CNIH3: variants seen among roughly 807,000 people sequenced by gnomAD.
The protein encoded by CNIH3 is cornichon family AMPA receptor auxiliary protein 3, also known as protein cornichon homolog 3.
CNIH3 carries 14 observed loss-of-function variants against 24.1 expected under a neutral mutation model. The observed-to-expected ratio is 0.58, with a 90% CI of 0.38 to 0.91. The LOEUF is 0.91. Among genes scored for constraint, CNIH3 ranks in the 40% least tolerant of loss-of-function variants. The pLI is 0.00. For synonymous variants in CNIH3, 68 were observed against 73.8 expected (o/e 0.92, Z 0.40); for missense variants, 178 against 196.8 (o/e 0.90, Z 0.57).
chr1:224,700,146 T>C (rs1387853911), intron 3 of CNIH3, among the ~76,000 whole-genome samples: 1 of 152,138 alleles, frequency 6.6e-6, no homozygotes, highest in African/African-American at 2.4e-5. Flanking sequence ...CTGGACTCTC[T>C]CCCCTGTATG....
chr1:224,483,919 C>T (rs1676920030), intron 1 of CNIH3, among the ~76,000 whole-genome samples: 1 of 152,070 alleles, frequency 6.6e-6, no homozygotes, highest in African/African-American at 2.4e-5. Context: ...GCCTGTAATC[C>T]CAGCACTTTG....
At chr1:224,504,262 G>A (rs767508597) in intron 1 of CNIH3, among the ~76,000 whole-genome samples, 1 of 152,164 alleles carries the variant, frequency 6.6e-6, no homozygotes, top group Non-Finnish European at 1.5e-5. Context: ...GCTGGAATGA[G>A]CTAGTGTAGT....
chr1:224,570,903 T>C (rs1375318061), intron 4 of CNIH3, among the ~76,000 whole-genome samples: 1 of 152,078 alleles, frequency 6.6e-6, no homozygotes, highest in Non-Finnish European at 1.5e-5. Context: ...AATAGGATCA[T>C]ATTTCTTTTT....
intron 1 of CNIH3, among the ~76,000 whole-genome samples, chr1:224,483,791 T>G (rs1676912766): frequency 6.6e-6 from 1 of 152,198 alleles, no homozygotes; most frequent in African/African-American, 2.4e-5. Context: ...GCTTCTATTC[T>G]GCAACCTTGG....
At chr1:224,662,163 C>T (rs903816390) in intron 1 of CNIH3, among the ~76,000 whole-genome samples, 6 of 152,104 alleles carry the variant, frequency 3.9e-5, no homozygotes, top group African/African-American at 1.4e-4. Context: ...TTGGAAATGA[C>T]TCAGACATCT....
intron 3 of CNIH3, among the ~76,000 whole-genome samples, chr1:224,708,490 C>T (rs970084382): frequency 2.0e-5 from 3 of 152,140 alleles, no homozygotes; most frequent in Non-Finnish European, 4.4e-5. Context: ...GGAAAGAGTC[C>T]CTTGCACTCC....
intron 3 of CNIH3, among the ~76,000 whole-genome samples, chr1:224,693,723 G>A (rs928760115): frequency 6.6e-6 from 1 of 152,248 alleles, no homozygotes; most frequent in African/African-American, 2.4e-5. Flanking sequence ...GTCAGACCTT[G>A]CTGCCTTGAT....
upstream of CNIH3, chr1:224,515,840 T>A (rs969012831): frequency 6.6e-6 from 1 of 152,212 alleles, no homozygotes; most frequent in Non-Finnish European, 1.5e-5. Flanking sequence ...CTCAAGACCC[T>A]GTGACTTGTG....
intron 1 of CNIH3, among the ~76,000 whole-genome samples, chr1:224,463,791 T>A (rs1676039839): frequency 8.2e-6 from 1 of 122,550 alleles, no homozygotes; most frequent in Non-Finnish European, 1.7e-5. Context: ...TTTTTTTTTT[T>A]TTTTTTTTTT....
In CNIH3 at chr1:224,647,275, G is replaced by A. The variant is rs190331311; in HGVS notation, c.81+30020G>A. ...CGTAATTATAGGCGTGAGGCACTGT[G>A]CCCGTCCTACAGTCACATTTCAGTG... On this transcript the variant is annotated intron_variant, in intron 1 of 5. Transcript: ENST00000272133. Among the ~76,000 whole-genome samples the A allele has an allele frequency of 4.5e-4, 68 of 152,352 alleles. 1 individual carries two copies. The highest frequency in any genetic ancestry group is 2.9e-5 in the Non-Finnish European group (2 of 68,032).
chr1:224,533,791 A>G (rs1202521002), intron 2 of CNIH3, among the ~76,000 whole-genome samples: 2 of 152,130 alleles, frequency 1.3e-5, no homozygotes, highest in Non-Finnish European at 2.9e-5. Flanking sequence ...ACCGCATCTC[A>G]ACTTGATTAC....
intron 4 of CNIH3, among the ~76,000 whole-genome samples, chr1:224,571,305 C>T (rs993401562): frequency 4.6e-5 from 7 of 152,298 alleles, no homozygotes; most frequent in South Asian, 2.1e-4. Context: ...AGAGGCCTGC[C>T]CTGAGGAGAG....
At chr1:224,549,552 C>A (rs1244026559) in intron 3 of CNIH3, among the ~76,000 whole-genome samples, 1 of 151,724 alleles carries the variant, frequency 6.6e-6, no homozygotes, top group Non-Finnish European at 1.5e-5. Flanking sequence ...ATGTTACAGA[C>A]AAATCAGAGC....
At chr1:224,669,580 G>T (rs1685762737) in intron 1 of CNIH3, among the ~76,000 whole-genome samples, 1 of 152,208 alleles carries the variant, frequency 6.6e-6, no homozygotes, top group Non-Finnish European at 1.5e-5. Flanking sequence ...CTGATTCAGA[G>T]GGTGTGTTGC....
At chr1:224,562,879 G>T (rs1680430096) in intron 3 of CNIH3, among the ~76,000 whole-genome samples, 1 of 152,186 alleles carries the variant, frequency 6.6e-6, no homozygotes, top group African/African-American at 2.4e-5. Context: ...ACCAGGGGTT[G>T]GAGAGTCCTG....
chr1:224,664,285 C>T (rs976996282), intron 1 of CNIH3, among the ~76,000 whole-genome samples: 13 of 152,128 alleles, frequency 8.5e-5, no homozygotes, highest in Admixed American at 3.9e-4. Flanking sequence ...TCAGATAAGA[C>T]AAATCTAAGT....
chr1:224,677,310 T>C (rs61827152), intron 1 of CNIH3, among the ~76,000 whole-genome samples: 38,718 of 152,120 alleles, frequency 0.25, 5,185 homozygotes, highest in East Asian at 0.4. Flanking sequence ...CAGTGGCCTG[T>C]CTACATGGGG....
At chr1:224,718,710 G>T (rs572151056) in intron 3 of CNIH3, among the ~76,000 whole-genome samples, 2 of 152,086 alleles carry the variant, frequency 1.3e-5, no homozygotes, top group Admixed American at 6.5e-5. Flanking sequence ...GGAGAAAGGG[G>T]CAGTTCCTTC....
At chr1:224,585,947 C>T (rs1384574565) in intron 5 of CNIH3, among the ~76,000 whole-genome samples, 3 of 152,186 alleles carry the variant, frequency 2.0e-5, no homozygotes, top group Non-Finnish European at 4.4e-5. Flanking sequence ...AGCCATACTT[C>T]GTTGAAAGAG....
Sources: gnomAD v4.1 joint callset for allele counts (sites outside exome capture counted in the v4.1 genomes callset) on GRCh38, gnomAD v4.1.1 for gene constraint, MANE v1.5 for transcripts, NCBI Gene and HGNC (gene_info 2026-07-23, HGNC 2026-07-21) for gene names.